Variants in SGSM3 observed in about 807,000 individuals in gnomAD.
SGSM3 encodes small G protein signaling modulator 3, also known as RUN and SH3 containing 3.
Under a neutral mutation model 100.5 loss-of-function variants are expected in SGSM3, and 96 were observed. That is an observed-to-expected ratio of 0.96 (90% CI 0.81 to 1.13). The LOEUF (loss-of-function observed/expected upper bound fraction) is 1.13. Ranked by LOEUF, SGSM3 falls within the 50% of genes most tolerant of loss-of-function variation. The pLI is 0.00. For missense variants in SGSM3, 1,001 were observed against 1,015.8 expected, an observed-to-expected ratio of 0.99 and a Z score of 0.20; for synonymous variants, 483 against 422.8, an observed-to-expected ratio of 1.14 and a Z score of -1.75.
intron 1 of SGSM3, among the ~76,000 whole-genome samples, chr22:40,386,836 A>G (rs1320861484): frequency 1.3e-5 from 2 of 152,100 alleles, no homozygotes. Flanking sequence ...AAAGAAGTTA[A>G]TGGTCTCTAA....
intron 1 of SGSM3, among the ~76,000 whole-genome samples, chr22:40,389,519 A>G (rs964948153): frequency 6.6e-5 from 10 of 150,508 alleles, no homozygotes; most frequent in Non-Finnish European, 1.3e-4. Context: ...GAATGGCGTG[A>G]ACCTGGGAGG....
chr22:40,407,786 CA>C lies in SGSM3; in HGVS notation c.1525-2del. 6.2e-7 allele frequency: 1 copy of C among 1,613,934 alleles called. No homozygotes were observed. Among genetic ancestry groups the C allele is most frequent in the Non-Finnish European group, 8.5e-7 (1 of 1,179,970 alleles). Reference sequence around the variant, plus strand: ...GGTTCCTGCTGTTTTTCCTCCTGTGCAGATCGTGTCTCAGAAGGACGAGCAC... The same window carrying C: ...GGTTCCTGCTGTTTTTCCTCCTGTGCGATCGTGTCTCAGAAGGACGAGCAC... On this transcript the variant is annotated splice_acceptor_variant, in intron 13 of 21. Coordinates refer to ENST00000248929, the MANE Select transcript of SGSM3 (RefSeq NM_015705.6). LOFTEE classifies it high-confidence loss of function. This position sits in a 1 kb window ranked among gnomAD's most constrained non-coding sequence, Gnocchi z 4.7.
At chr22:40,401,537 C>T (rs536296889) in intron 2 of SGSM3, 56 bp from the exon 3 acceptor site, 92 of 1,428,204 alleles carry the variant, frequency 6.4e-5, no homozygotes, top group Non-Finnish European at 8.3e-5. Flanking sequence ...TGAGCCACTG[C>T]GCCTGGCCTG....
chr22:40,391,814 ATTTGTGC>A (rs1201240508), intron 1 of SGSM3, among the ~76,000 whole-genome samples: 1 of 152,164 alleles, frequency 6.6e-6, no homozygotes, highest in Non-Finnish European at 1.5e-5. Flanking sequence ...TCCTGTGAGC[ATTTGTGC>A]AGAGTGCCCA....
Position 40,410,126 on chromosome 22 carries a change from G to C in SGSM3, c.*367G>C. 8.8e-7 allele frequency: 1 copy of C among 1,138,456 alleles called. No individual in the cohort carries two copies. Among genetic ancestry groups the C allele is most frequent in the Middle Eastern group, 3.6e-4 (1 of 2,804 alleles). 70.5% of individuals were successfully genotyped at this position (1,138,456 alleles called of 1,614,324 possible). On this transcript the variant is annotated 3_prime_UTR_variant, in exon 22 of 22. Transcript: ENST00000248929. Reference sequence around the variant, plus strand: ...TTGAGAAAGCACCTACCTGTCTTCTGTGCAGCTAGGGCTGCAGAGCTGTAT... The same window carrying C: ...TTGAGAAAGCACCTACCTGTCTTCTCTGCAGCTAGGGCTGCAGAGCTGTAT...
At chr22:40,381,672 G>A (rs1360610662) in intron 1 of SGSM3, among the ~76,000 whole-genome samples, 2 of 152,080 alleles carry the variant, frequency 1.3e-5, no homozygotes, top group Non-Finnish European at 2.9e-5. Context: ...ATAATTCTTG[G>A]GGCCGGGCGT....
intron 1 of SGSM3, among the ~76,000 whole-genome samples, chr22:40,400,309 G>A (rs1477918367): frequency 2.6e-5 from 4 of 152,154 alleles, no homozygotes; most frequent in Admixed American, 6.5e-5. Flanking sequence ...ACTTCCTTTC[G>A]TAGAGTGAGA....
chr22:40,409,636 C>T, intron 21 of SGSM3, 46 bp from the exon 22 acceptor site: 1 of 1,613,312 alleles, frequency 6.2e-7, no homozygotes, highest in Non-Finnish European at 8.5e-7. Context: ...GGAACTACCC[C>T]AGCCATGCCC....
At position 40,405,289 on chromosome 22, in the gene SGSM3, G is replaced by A; in HGVS notation, c.618+5G>A. 6.7e-7 allele frequency: 1 copy of A among 1,496,974 alleles called. No individual in the cohort carries two copies. 92.7% of individuals were successfully genotyped at this position (1,496,974 alleles called of 1,614,324 possible). A position where few individuals can be genotyped will look rare whatever the true frequency, so the allele number is the denominator to read the frequency against. On this transcript the variant is annotated splice_donor_5th_base_variant and intron_variant, in intron 7 of 21. Transcript: ENST00000248929. The stretch of plus-strand genomic sequence containing the variant: ...TACTGCCAGGGCACCGGCATGGTGA[G>A]CACAGCCCCAGAAAGGGCAGTGGCA...
intron 1 of SGSM3, among the ~76,000 whole-genome samples, chr22:40,375,809 G>A (rs575445375): frequency 2.0e-5 from 3 of 151,960 alleles, no homozygotes; most frequent in Admixed American, 6.6e-5. Flanking sequence ...AGGCTGAGGT[G>A]GAAGGATCAC....
chr22:40,404,227 C>T lies in SGSM3; in HGVS notation c.158-20C>T, dbSNP rs765206715. The T allele has an allele frequency of 2.7e-5, 41 of 1,503,940 alleles. No homozygotes were observed. The highest frequency in any genetic ancestry group is 1.4e-4 in the Admixed American group (6 of 43,452). 93.2% of individuals were successfully genotyped at this position (1,503,940 alleles called of 1,614,324 possible). On this transcript the variant is annotated intron_variant, in intron 4 of 21. Coordinates refer to ENST00000248929, the MANE Select transcript of SGSM3 (RefSeq NM_015705.6). ...TAGTAGAGAATGCTTTTTCTTTCCTCCTTGGCTCTCTCTTGGCAGAAGGTG... is the reference window on the plus strand; with the variant it reads ...TAGTAGAGAATGCTTTTTCTTTCCTTCTTGGCTCTCTCTTGGCAGAAGGTG...
rs776764197 is a variant in SGSM3, at chr22:40,405,143, C to G, written c.477C>G (p.Ile159Met). 6.6e-7 allele frequency: 1 copy of G among 1,510,466 alleles called. No individual in the cohort carries two copies. The highest frequency in any genetic ancestry group is 8.9e-7 in the Non-Finnish European group (1 of 1,127,430). The allele number at this position is 1,510,466 out of a possible 1,614,324, so 93.6% of individuals were successfully genotyped here. A position where few individuals can be genotyped will look rare whatever the true frequency, so the allele number is the denominator to read the frequency against. The stretch of plus-strand genomic sequence containing the variant: ...GGGTGCCGATGGCTGCCTGACAGAT[C>G]GAGAAGGACCTGCTCCGCACCATGC... ...SNDETIAAKQ[I>M]EKDLLRTMPS... is the part of the protein sequence containing the mutation. The change falls in exon 7 of 22, where the codon ATC (isoleucine) becomes ATG (methionine). Residue 159 changes from isoleucine (I) to methionine (M), a missense_variant and splice_region_variant. Physicochemically the swap from Ile to Met is conservative, Grantham distance 10 (BLOSUM62 1). Coordinates refer to ENST00000248929, the MANE Select transcript of SGSM3 (RefSeq NM_015705.6).
At chr22:40,405,472 C>T (rs1205231144) in intron 7 of SGSM3, among the ~76,000 whole-genome samples, 177 bp from the exon 8 acceptor site, 1 of 152,174 alleles carries the variant, frequency 6.6e-6, no homozygotes, top group Admixed American at 6.5e-5. Context: ...AGCAGAGGCG[C>T]TCCCCAAGGG....
chr22:40,405,655 GCCTGCCTCCTGCTGTTCCT>G lies in SGSM3; in HGVS notation c.626_644del (p.Ala209GlyfsTer9), dbSNP rs766404835. 6.2e-7 allele frequency: 1 copy of G among 1,612,392 alleles called. No homozygotes were observed. Among genetic ancestry groups the G allele is most frequent in the Non-Finnish European group, 8.5e-7 (1 of 1,179,110 alleles). ...GTCCCTGTGCCCTGGCCAGGTGGCC[GCCTGCCTCCTGCTGTTCCT>G]GGAGGAGGAGGACGCCTTCTGGATG... On this transcript the variant is annotated frameshift_variant, in exon 8 of 22. Transcript: ENST00000248929. LOFTEE classifies it high-confidence loss of function.
chr22:40,401,771 T>C, intron 3 of SGSM3, 96 bp downstream of exon 3: 1 of 991,468 alleles, frequency 1.0e-6, no homozygotes, highest in Non-Finnish European at 1.6e-6. Flanking sequence ...GGTGGCCAAC[T>C]CACACAGGGT....
At chr22:40,383,396 GGTGGAGCTCGCAGT>G (rs1301357509) in intron 1 of SGSM3, among the ~76,000 whole-genome samples, 5 of 151,632 alleles carry the variant, frequency 3.3e-5, no homozygotes, top group Non-Finnish European at 1.5e-5. Context: ...GAACCTGGGA[GGTGGAGCTCGCAGT>G]GAGCCGAGAT....
At chr22:40,373,916 A>G (rs1425372537) in intron 1 of SGSM3, among the ~76,000 whole-genome samples, 3 of 148,650 alleles carry the variant, frequency 2.0e-5, no homozygotes, top group Non-Finnish European at 4.5e-5. Context: ...ACCTGGCCTG[A>G]TAGGGTGGTT....
chr22:40,392,542 C>G (rs995430372), intron 1 of SGSM3, among the ~76,000 whole-genome samples: 1 of 152,088 alleles, frequency 6.6e-6, no homozygotes, highest in African/African-American at 2.4e-5. Flanking sequence ...AGCAGCTCTG[C>G]AGGGGAAGAG....
Position 40,407,043 on chromosome 22 carries a change from G to A in SGSM3, c.1212G>A (p.Arg404=), listed in dbSNP as rs1289371461. 1.3e-6 allele frequency: 2 copies of A among 1,587,802 alleles called. No individual in the cohort carries two copies. Among genetic ancestry groups the A allele is most frequent in the Non-Finnish European group, 1.7e-6 (2 of 1,167,016 alleles). Residue 404 remains arginine, a synonymous_variant, in exon 11 of 22, where the codon AGG becomes AGA. Transcript: ENST00000248929. The surrounding 1 kb of genome is among the most constrained non-coding windows in gnomAD (Gnocchi z 4.7). ...SQVVRRRTQR[R]KSTITALLFG... ...TTGTTCGCCGCAGGACCCAGCGGAG[G>A]AAGTCCACCATCACTGCTCTGCTCT...
Sources: gnomAD v4.1 joint callset for allele counts (sites outside exome capture counted in the v4.1 genomes callset) on GRCh38, gnomAD v4.1.1 for gene constraint, Gnocchi (gnomAD v3.1) non-coding constraint, MANE v1.5 for transcripts, NCBI Gene and HGNC (gene_info 2026-07-23, HGNC 2026-07-21) for gene names.